The following SPIRE1 variants were observed in gnomAD, a reference collection of about 807,000 sequenced individuals.
SPIRE1 encodes protein spire homolog 1.
A neutral mutation model predicts 94.1 loss-of-function variants in SPIRE1; 40 were observed. That is an observed-to-expected ratio of 0.43 (90% CI 0.33 to 0.55). SPIRE1 has a LOEUF of 0.55. Ranked by LOEUF, SPIRE1 falls within the 20% of genes least tolerant of loss-of-function variation. The pLI is 0.06. For synonymous variants in SPIRE1, 376 were observed against 371.7 expected (o/e 1.01, Z -0.13); for missense variants, 838 against 975.2 (o/e 0.86, Z 1.87).
intron 7 of SPIRE1, among the ~76,000 whole-genome samples, chr18:12,494,718 A>G (rs767445302): frequency 1.3e-4 from 20 of 150,884 alleles, no homozygotes; most frequent in Admixed American, 4.0e-4. Context: ...AGGCGCCTGT[A>G]GTCCCAGCTA....
chr18:12,492,256 T>TG (rs1207809981), intron 8 of SPIRE1, among the ~76,000 whole-genome samples: 1 of 151,880 alleles, frequency 6.6e-6, no homozygotes, highest in African/African-American at 2.4e-5. Context: ...ACTAGCAGAG[T>TG]GGGGGTCACA....
chr18:12,616,408 A>G (rs541461440), intron 2 of SPIRE1, among the ~76,000 whole-genome samples: 4 of 152,336 alleles, frequency 2.6e-5, no homozygotes, highest in Non-Finnish European at 5.9e-5. Context: ...AGGGAGGATA[A>G]AAGACAGGCC....
intron 2 of SPIRE1, among the ~76,000 whole-genome samples, chr18:12,589,202 G>A (rs2036464484): frequency 6.6e-6 from 1 of 152,074 alleles, no homozygotes. Context: ...CAGAGATGAA[G>A]AAACTAAGAT....
chr18:12,624,453 G>A (rs1212932029), intron 2 of SPIRE1, among the ~76,000 whole-genome samples: 2 of 145,898 alleles, frequency 1.4e-5, no homozygotes, highest in Non-Finnish European at 3.0e-5. Context: ...TGAGGCAGCA[G>A]AATTACTTGA....
Position 12,479,728 on chromosome 18 carries a change from G to C in SPIRE1, c.1375C>G (p.Leu459Val). 1.2e-6 allele frequency: 2 copies of C among 1,613,842 alleles called. No individual in the cohort carries two copies. The highest frequency in any genetic ancestry group is 1.7e-6 in the Non-Finnish European group (2 of 1,179,866). ...GACTCAGAGCTGTCCAGTTCGGCCA[G>C]AGTTGGGGCTCTGAGGAGCTTCTTC... ...QRKKLLRAPT[L>V]AELDSSESEE... Residue 459 changes from leucine to valine, a missense_variant, in exon 10 of 17, where the codon CTG (leucine) becomes GTG (valine). This residue lies in a region of SPIRE1 where 645 missense variants were observed against 804.7 expected (regional missense o/e 0.80). Transcript: ENST00000409402.
intron 2 of SPIRE1, among the ~76,000 whole-genome samples, chr18:12,569,192 A>T (rs1489202866): frequency 6.6e-6 from 1 of 151,984 alleles, no homozygotes; most frequent in Non-Finnish European, 1.5e-5. Context: ...TATACAAAAA[A>T]ATTAGCCAGG....
intron 6 of SPIRE1, among the ~76,000 whole-genome samples, chr18:12,498,436 T>TG (rs541356003): frequency 1.1e-4 from 17 of 152,132 alleles, no homozygotes; most frequent in Non-Finnish European, 2.5e-4. Context: ...TTAGTAGAGA[T>TG]GGGGTTTCAC....
At chr18:12,578,836 T>G (rs1209140076) in intron 2 of SPIRE1, among the ~76,000 whole-genome samples, 1 of 152,138 alleles carries the variant, frequency 6.6e-6, no homozygotes, top group African/African-American at 2.4e-5. Context: ...TATAAATATG[T>G]GGAGTTCTGC....
chr18:12,643,439 G>A (rs1359627337), intron 1 of SPIRE1, among the ~76,000 whole-genome samples: 3 of 152,226 alleles, frequency 2.0e-5, no homozygotes, highest in Non-Finnish European at 4.4e-5. Context: ...AAGAGTTCTG[G>A]TTTTCATGCA....
chr18:12,457,890 G>A (rs999743927), intron 12 of SPIRE1, among the ~76,000 whole-genome samples: 2 of 149,128 alleles, frequency 1.3e-5, no homozygotes, highest in African/African-American at 5.0e-5. Flanking sequence ...TTTCGCCCAG[G>A]CTGGAGTGCA....
intron 4 of SPIRE1, among the ~76,000 whole-genome samples, chr18:12,517,982 T>C (rs2034245235): frequency 1.3e-5 from 2 of 152,210 alleles, no homozygotes; most frequent in South Asian, 4.1e-4. Flanking sequence ...TGCATTATAA[T>C]AAGGAATATA....
chr18:12,575,585 T>G (rs1000980615), intron 2 of SPIRE1, among the ~76,000 whole-genome samples: 2 of 152,174 alleles, frequency 1.3e-5, no homozygotes, highest in East Asian at 3.9e-4. Flanking sequence ...TCTCCCAAAG[T>G]GCTGGGATTA....
intron 5 of SPIRE1, among the ~76,000 whole-genome samples, chr18:12,510,033 C>T (rs987828835): frequency 7.3e-5 from 11 of 150,432 alleles, no homozygotes; most frequent in Admixed American, 2.0e-4. Flanking sequence ...TGCAGTGAGC[C>T]GAGATCACGC....
intron 2 of SPIRE1, among the ~76,000 whole-genome samples, chr18:12,628,529 C>T (rs79866913): frequency 0.074 from 11,243 of 152,146 alleles, 584 homozygotes; most frequent in Non-Finnish European, 0.11. Flanking sequence ...CTTGGGAATG[C>T]GGGCTCTTTT....
At chr18:12,597,658 C>G (rs770233564) in intron 2 of SPIRE1, among the ~76,000 whole-genome samples, 1 of 152,204 alleles carries the variant, frequency 6.6e-6, no homozygotes, top group Non-Finnish European at 1.5e-5. Flanking sequence ...TAAATACTAA[C>G]AGCCTCAACT....
chr18:12,546,555 C>T, intron 3 of SPIRE1, 119 bp downstream of exon 3: 1 of 758,486 alleles, frequency 1.3e-6, no homozygotes, highest in Non-Finnish European at 2.3e-6. Context: ...GAGCCATGAT[C>T]ACACCACTGC....
chr18:12,620,353 G>T (rs1396425647), intron 2 of SPIRE1, among the ~76,000 whole-genome samples: 2 of 152,142 alleles, frequency 1.3e-5, no homozygotes, highest in African/African-American at 4.8e-5. Context: ...GACAATCAAA[G>T]GACCTAGAAG....
chr18:12,460,298 G>A (rs913573710), intron 12 of SPIRE1, among the ~76,000 whole-genome samples: 1 of 152,222 alleles, frequency 6.6e-6, no homozygotes, highest in Admixed American at 6.5e-5. Context: ...GCCCCAGGAA[G>A]GTACTGCCAA....
intron 2 of SPIRE1, among the ~76,000 whole-genome samples, chr18:12,593,120 G>T (rs753455500): frequency 2.0e-5 from 3 of 152,160 alleles, no homozygotes; most frequent in Non-Finnish European, 4.4e-5. Context: ...TTTTAAATTG[G>T]TTTAAACTAT....
Sources: allele counts gnomAD v4.1 joint callset (sites outside exome capture counted in the v4.1 genomes callset), GRCh38; gene constraint gnomAD v4.1.1; regional missense constraint gnomAD v4.1.1; transcripts MANE v1.5; gene names NCBI Gene and HGNC (gene_info 2026-07-23, HGNC 2026-07-21).